Variants in APPL2 observed in about 807,000 individuals in gnomAD.
The protein encoded by APPL2 is adaptor protein, phosphotyrosine interacting with PH domain and leucine zipper 2.
APPL2 carries 84 observed loss-of-function variants against 92.7 expected under a neutral mutation model. The ratio of observed to expected loss-of-function variants is 0.91; its 90% CI spans 0.76 to 1.09. The LOEUF is 1.09. Among genes scored for constraint, APPL2 ranks in the 50% least tolerant of loss-of-function variants. The probability of loss-of-function intolerance (pLI) is 0.00; values close to 1 mark genes in which losing one functional copy is unlikely to be tolerated. For synonymous variants in APPL2, 291 were observed against 291.0 expected, an observed-to-expected ratio of 1.00 and a Z score of 0.00; for missense variants, 736 against 824.5, an observed-to-expected ratio of 0.89 and a Z score of 1.31.
intron 4 of APPL2, among the ~76,000 whole-genome samples, chr12:105,215,307 T>C (rs556203009): frequency 1.3e-4 from 20 of 152,292 alleles, no homozygotes; most frequent in African/African-American, 3.6e-4. Flanking sequence ...TTGAGTTAAA[T>C]TGTAGGACAG....
rs542593921 is a variant in APPL2 at position 105,174,048 on chromosome 12, G to T, written c.*266C>A. 1.5e-4 allele frequency: 50 copies of T among 328,102 alleles called. No individual in the cohort carries two copies. Among genetic ancestry groups the T allele is most frequent in the Non-Finnish European group, 2.6e-4 (47 of 183,230 alleles). 20.3% of individuals were successfully genotyped at this position (328,102 alleles called of 1,614,324 possible). ...CATTTTTCAAACTTTTGTTCTGAGC[G>T]CTGAACAATCTAAGAAATTTTAGCG... is the stretch of plus-strand genomic sequence containing the variant. On this transcript the variant is annotated 3_prime_UTR_variant, in exon 21 of 21. Transcript: ENST00000258530.
chr12:105,201,207 T>A (rs1384172419), intron 9 of APPL2, among the ~76,000 whole-genome samples: 1 of 152,188 alleles, frequency 6.6e-6, no homozygotes, highest in African/African-American at 2.4e-5. Context: ...CTGCTCCTGG[T>A]CAGCCCCTCT....
chr12:105,186,974 G>A (rs1025348060), intron 17 of APPL2, among the ~76,000 whole-genome samples: 27 of 151,868 alleles, frequency 1.8e-4, no homozygotes, highest in Middle Eastern at 3.2e-3. Flanking sequence ...TGTATATTTT[G>A]TGTACTACAT....
chr12:105,229,035 G>A (rs907870818), intron 2 of APPL2, 90 bp downstream of exon 2: 13 of 1,114,412 alleles, frequency 1.2e-5, no homozygotes, highest in African/African-American at 3.2e-5. Context: ...GATGTTTTTC[G>A]GATTCCAATT....
intron 17 of APPL2, among the ~76,000 whole-genome samples, chr12:105,186,865 T>C (rs1053361873): frequency 1.3e-5 from 2 of 151,844 alleles, no homozygotes; most frequent in African/African-American, 4.8e-5. Context: ...CATGTCCTCA[T>C]TGGCCATTTG....
chr12:105,235,926 G>A (rs1341771584), intron 1 of APPL2, 33 bp downstream of exon 1: 6 of 1,234,670 alleles, frequency 4.9e-6, no homozygotes, highest in African/African-American at 1.6e-5. Flanking sequence ...CCTCACCCCT[G>A]CGGGCGAGGG....
chr12:105,203,615 G>T, intron 9 of APPL2, 88 bp downstream of exon 9: 1 of 1,284,878 alleles, frequency 7.8e-7, no homozygotes, highest in African/African-American at 1.5e-5. Context: ...ACCCTCCACA[G>T]TTAGAACCCT....
intron 14 of APPL2, among the ~76,000 whole-genome samples, chr12:105,194,769 A>G (rs1301912526): frequency 7.1e-6 from 1 of 141,716 alleles, no homozygotes; most frequent in Non-Finnish European, 1.5e-5. Flanking sequence ...ATTCTGAAAA[A>G]TGTAGAAATA....
intron 14 of APPL2, 32 bp downstream of exon 14, chr12:105,195,229 C>T (rs1387363501): frequency 3.1e-6 from 5 of 1,608,502 alleles, no homozygotes; most frequent in Non-Finnish European, 4.3e-6. Context: ...TTTGGCTCCA[C>T]AAAAGCTAGT....
intron 17 of APPL2, among the ~76,000 whole-genome samples, chr12:105,183,140 C>T (rs368350945): frequency 9.1e-4 from 126 of 138,708 alleles, no homozygotes; most frequent in African/African-American, 3.2e-3. Context: ...TATTTTGAGC[C>T]TATGTGTGTC....
chr12:105,186,631 T>TATG (rs1555248030), intron 17 of APPL2, among the ~76,000 whole-genome samples: 7 of 121,770 alleles, frequency 5.7e-5, no homozygotes, highest in East Asian at 2.4e-4. Context: ...ATATATCATA[T>TATG]ATATCATATA....
intron 7 of APPL2, 77 bp from the exon 8 acceptor site, chr12:105,207,284 G>A (rs1888805047): frequency 2.1e-6 from 3 of 1,398,722 alleles, no homozygotes; most frequent in Non-Finnish European, 1.9e-6. Context: ...GCTTCAAAAT[G>A]TGTGTTTATG....
At chr12:105,232,226 T>G (rs1275814177) in intron 1 of APPL2, among the ~76,000 whole-genome samples, 3 of 151,970 alleles carry the variant, frequency 2.0e-5, no homozygotes, top group African/African-American at 4.8e-5. Flanking sequence ...GATTCAGGAG[T>G]GGAATTCCAT....
rs974965282 is a variant in APPL2, at chr12:105,195,349, C to G, written c.1153G>C (p.Ala385Pro). ...GTCTGATTCAACTTGATCGCGACTGCCTAAAAATCCACAGGAAGACACACT... is the reference window on the plus strand; with the variant it reads ...GTCTGATTCAACTTGATCGCGACTGGCTAAAAATCCACAGGAAGACACACT... ...RQIYLTDNPE[A>P]VAIKLNQTAL... Residue 385 changes from alanine to proline, a missense_variant and splice_region_variant, in exon 14 of 21, where the codon GCA becomes CCA. Transcript: ENST00000258530. 11 of 1,614,158 alleles carry G rather than the reference C, an allele frequency of 6.8e-6. No homozygotes were observed. Among genetic ancestry groups the G allele is most frequent in the Non-Finnish European group, 9.3e-6 (11 of 1,180,024 alleles).
intron 10 of APPL2, among the ~76,000 whole-genome samples, chr12:105,198,902 A>C (rs1012772325): frequency 1.3e-5 from 2 of 152,198 alleles, no homozygotes; most frequent in African/African-American, 4.8e-5. Flanking sequence ...CATCCCTTCC[A>C]TTCAAAACGG....
Position 105,195,498 on chromosome 12 carries a change from T to A in APPL2, c.1099A>T (p.Ile367Leu), listed in dbSNP as rs1412192998. ...CTGGAGATGTTGTTTATTGCACATA[T>A]CCACTGTAGAGGACATTAAAAAAGA... ...AESRKENEEW[I>L]CAINNISRQI... The change falls in exon 13 of 21, where the codon ATA becomes TTA. Residue 367 changes from isoleucine to leucine, a missense_variant. Physicochemically the swap from Ile to Leu is conservative, Grantham distance 5. Coordinates refer to ENST00000258530, the MANE Select transcript of APPL2 (RefSeq NM_018171.5). 1.9e-6 allele frequency: 3 copies of A among 1,614,152 alleles called. No individual in the cohort carries two copies. The South Asian group carries it at 3.3e-5, about 18-fold the overall frequency.
chr12:105,185,497 G>C lies in APPL2; in HGVS notation c.1634+2776C>G, dbSNP rs377557046. Among the ~76,000 whole-genome samples the C allele has an allele frequency of 2.2e-4, 33 of 152,202 alleles. No homozygotes were observed. In the South Asian group the frequency reaches 6.0e-3, roughly 28 times the overall value. On this transcript the variant is annotated intron_variant, in intron 17 of 20. Transcript: ENST00000258530. ...CACTCACGGCTTCCCTTGGCTAGGGGAGGGAGTTCCCCGACCCCTTGTGCT... is the reference window on the plus strand; with the variant it reads ...CACTCACGGCTTCCCTTGGCTAGGGCAGGGAGTTCCCCGACCCCTTGTGCT...
chr12:105,207,232 T>C, intron 7 of APPL2, 25 bp from the exon 8 acceptor site: 1 of 1,605,360 alleles, frequency 6.2e-7, no homozygotes, highest in South Asian at 1.1e-5. Flanking sequence ...AAAGGAAAAC[T>C]TCAAGTTGTC....
At chr12:105,223,027 C>A (rs1890225692) in intron 2 of APPL2, among the ~76,000 whole-genome samples, 1 of 152,184 alleles carries the variant, frequency 6.6e-6, no homozygotes, top group South Asian at 2.1e-4. Context: ...AGCAACAAGA[C>A]AAGAGGAGCA....
Sources: gnomAD v4.1 joint callset for allele counts (sites outside exome capture counted in the v4.1 genomes callset) on GRCh38, gnomAD v4.1.1 for gene constraint, MANE v1.5 for transcripts, NCBI Gene and HGNC (gene_info 2026-07-23, HGNC 2026-07-21) for gene names.